The following CLUL1 variants were observed in gnomAD, a reference collection of about 807,000 sequenced individuals.
CLUL1 encodes the protein clusterin-like protein 1.
Under a neutral mutation model 49.4 loss-of-function variants are expected in CLUL1, and 43 were observed. That is an observed-to-expected ratio of 0.87 (90% CI 0.68 to 1.12). CLUL1 has a LOEUF of 1.12. Among genes scored for constraint, CLUL1 ranks in the 50% most tolerant of loss-of-function variants. CLUL1 has a pLI of 0.00. For missense variants in CLUL1, 486 were observed against 544.4 expected, an observed-to-expected ratio of 0.89 and a Z score of 1.07; for synonymous variants, 192 against 184.9, an observed-to-expected ratio of 1.04 and a Z score of -0.31.
At chr18:609,378 G>A (rs1287683039) in intron 2 of CLUL1, among the ~76,000 whole-genome samples, 1 of 152,162 alleles carries the variant, frequency 6.6e-6, no homozygotes, top group African/African-American at 2.4e-5. Flanking sequence ...GGCATGCTCA[G>A]AAAAGCTATT....
rs1389427717 is a variant in CLUL1 at position 645,806 on chromosome 18, AAAAAATATATATATATATATATATAT to A, written c.1397+711_1397+736del. The stretch of plus-strand genomic sequence containing the variant: ...GAGACTCTGTTTAAAAAAAAAAAAA[AAAAAATATATATATATATATATATAT>A]ATATATATATATATATATATGTTAA... On this transcript the variant is annotated intron_variant, in intron 9 of 9. Coordinates refer to ENST00000692774, the MANE Select transcript of CLUL1 (RefSeq NM_001393344.1). 9.6e-5 allele frequency among the ~76,000 whole-genome samples: 5 copies of A among 51,842 alleles called. 1 individual carries two copies. Among genetic ancestry groups the A allele is most frequent in the Admixed American group, 2.0e-4 (1 of 5,000 alleles). 34.0% of individuals were successfully genotyped at this position (51,842 alleles called of 152,430 possible). A position where few individuals can be genotyped will look rare whatever the true frequency, so the allele number is the denominator to read the frequency against.
At chr18:645,811 ATATATATATATATATATATATATATAT>A (rs2074484878) in intron 9 of CLUL1, among the ~76,000 whole-genome samples, 2 of 33,498 alleles carry the variant, frequency 6.0e-5, no homozygotes, top group African/African-American at 1.2e-4. Context: ...AAAAAAAAAA[ATATATATATATATATATATATATATAT>A]ATATATATAT....
At chr18:649,736 G>A (rs558086026) in intron 9 of CLUL1, 162 bp from the exon 10 acceptor site, 2 of 561,558 alleles carry the variant, frequency 3.6e-6, no homozygotes, top group South Asian at 5.0e-5. Context: ...CCATGCATAT[G>A]GGTTTCACAT....
intron 6 of CLUL1, 25 bp from the exon 7 acceptor site, chr18:633,273 C>T (rs1057328372): frequency 1.9e-6 from 3 of 1,581,886 alleles, no homozygotes; most frequent in Non-Finnish European, 2.6e-6. Context: ...ATGACACTAA[C>T]GTGTAAATGT....
intron 2 of CLUL1, among the ~76,000 whole-genome samples, chr18:616,090 G>A (rs543486770): frequency 6.6e-6 from 1 of 152,332 alleles, no homozygotes; most frequent in Middle Eastern, 3.4e-3. Context: ...GAGACCCATC[G>A]TGTAGATTCC....
chr18:609,704 A>G (rs1034137987), intron 2 of CLUL1, among the ~76,000 whole-genome samples: 2 of 151,932 alleles, frequency 1.3e-5, no homozygotes, highest in African/African-American at 2.4e-5. Context: ...CATGCTTGTA[A>G]TCCCAGCTAC....
chr18:648,124 T>C (rs2074564937), intron 9 of CLUL1, among the ~76,000 whole-genome samples: 1 of 152,220 alleles, frequency 6.6e-6, no homozygotes, highest in Admixed American at 6.5e-5. Context: ...CTGTGGAGTC[T>C]GAGGTTCACT....
intron 9 of CLUL1, among the ~76,000 whole-genome samples, chr18:646,349 A>G (rs1403983905): frequency 6.9e-6 from 1 of 145,400 alleles, no homozygotes; most frequent in African/African-American, 2.6e-5. Flanking sequence ...TTTTTTTTCT[A>G]GTTGTATCAG....
chr18:619,826 C>T lies in CLUL1; in HGVS notation c.255+465C>T, dbSNP rs567723831. Among the ~76,000 whole-genome samples, 15 of 152,232 alleles carry T rather than the reference C, an allele frequency of 9.9e-5. No homozygotes were observed. In the East Asian group the frequency reaches 2.7e-3, roughly 27 times the overall value. ...CTGGGTTCAGGTGATTCTCCTGTCT[C>T]AGCCTCCCTAGTAGCTGGGATTACA... On this transcript the variant is annotated intron_variant, in intron 4 of 9. Transcript: ENST00000692774.
At chr18:639,763 TCAAACAAACAAAC>T (rs2074285114) in intron 7 of CLUL1, among the ~76,000 whole-genome samples, 1 of 151,366 alleles carries the variant, frequency 6.6e-6, no homozygotes, top group African/African-American at 2.4e-5. Context: ...ATACTCTGTC[TCAAACAAACAAAC>T]AAAAAAAACA....
intron 2 of CLUL1, among the ~76,000 whole-genome samples, chr18:613,995 G>T (rs919688994): frequency 1.3e-5 from 2 of 152,186 alleles, no homozygotes; most frequent in Non-Finnish European, 2.9e-5. Flanking sequence ...AGAGCTGGGA[G>T]TAACAGCTGG....
In CLUL1 at chr18:625,028, ATAAGG is replaced by A. The variant is rs1211118913; in HGVS notation, c.423+1_423+5del. 6.2e-7 allele frequency: 1 copy of A among 1,614,026 alleles called. No homozygotes were observed. The highest frequency in any genetic ancestry group is 2.2e-5 in the East Asian group (1 of 44,884). On this transcript the variant is annotated splice_donor_variant and coding_sequence_variant, in exon 5 of 10. Transcript: ENST00000692774. LOFTEE classifies it high-confidence loss of function. The stretch of plus-strand genomic sequence containing the variant: ...CAACCTAGCTGGTCCTCTGTGAAAA[ATAAGG>A]TAAGAGAAAAAGAGAGCTCAAGATT...
At chr18:619,419 CTTGT>C in intron 4 of CLUL1, 58 bp downstream of exon 4, 3 of 1,392,518 alleles carry the variant, frequency 2.2e-6, no homozygotes, top group Non-Finnish European at 2.9e-6. Flanking sequence ...AAATACTGCA[CTTGT>C]TAGTGCGATT....
intron 7 of CLUL1, among the ~76,000 whole-genome samples, chr18:634,386 C>G (rs4470230): frequency 1.2e-4 from 18 of 152,190 alleles, no homozygotes; most frequent in Non-Finnish European, 2.6e-4. Flanking sequence ...CCCACCTCGG[C>G]CTCCCAAAGT....
At chr18:643,822 G>A (rs1342120797) in intron 8 of CLUL1, among the ~76,000 whole-genome samples, 1 of 152,188 alleles carries the variant, frequency 6.6e-6, no homozygotes, top group Non-Finnish European at 1.5e-5. Flanking sequence ...AAAGGAAGTA[G>A]AATTCTTTCC....
At chr18:635,727 G>C (rs1039734147) in intron 7 of CLUL1, among the ~76,000 whole-genome samples, 1 of 151,968 alleles carries the variant, frequency 6.6e-6, no homozygotes, top group Non-Finnish European at 1.5e-5. Context: ...GCAACAAATC[G>C]CGCCGTTCAG....
chr18:620,003 C>T (rs2073441612), intron 4 of CLUL1, among the ~76,000 whole-genome samples: 1 of 152,124 alleles, frequency 6.6e-6, no homozygotes, highest in South Asian at 2.1e-4. Flanking sequence ...GACCACCGTG[C>T]CTGGCCCAGA....
chr18:643,469 T>C (rs1027366162), intron 8 of CLUL1, among the ~76,000 whole-genome samples: 2 of 152,212 alleles, frequency 1.3e-5, no homozygotes, highest in Non-Finnish European at 2.9e-5. Flanking sequence ...AAGTCTTGTA[T>C]TGAAGAATAA....
intron 2 of CLUL1, chr18:613,181 C>T: frequency 2.2e-6 from 1 of 460,396 alleles, no homozygotes; most frequent in Non-Finnish European, 3.8e-6. Context: ...TCTCGTTGCC[C>T]AGACTGGAGT....
Sources: gnomAD v4.1 joint callset for allele counts (sites outside exome capture counted in the v4.1 genomes callset) on GRCh38, gnomAD v4.1.1 for gene constraint, MANE v1.5 for transcripts, NCBI Gene and HGNC (gene_info 2026-07-23, HGNC 2026-07-21) for gene names.